The following LAMA2 variants were observed in gnomAD, a reference collection of about 807,000 sequenced individuals.
LAMA2 encodes laminin subunit alpha 2, also known as laminin subunit alpha-2.
LAMA2 carries 269 observed loss-of-function variants against 364.8 expected under a neutral mutation model. The observed-to-expected ratio is 0.74, with a 90% CI of 0.67 to 0.82. The LOEUF is 0.82. Ranked by LOEUF, LAMA2 falls within the 40% of genes least tolerant of loss-of-function variation. The pLI, the probability that LAMA2 is intolerant of heterozygous loss-of-function variation, is 0.00. For synonymous variants in LAMA2, 1,379 were observed against 1,370.6 expected, an observed-to-expected ratio of 1.01 and a Z score of -0.14; for missense variants, 3,807 against 3,873.2, an observed-to-expected ratio of 0.98 and a Z score of 0.45.
chr6:129,041,840 CA>C lies in LAMA2; in HGVS notation c.113-8070del, dbSNP rs540973100. Among the ~76,000 whole-genome samples the C allele has an allele frequency of 1.1e-4, 16 of 151,312 alleles. 1 individual carries two copies. In the South Asian group the frequency reaches 2.9e-3, roughly 28 times the overall value. Reference sequence around the variant, plus strand: ...CAACATAGTGAGACCATGTCTCTACCAAAAAAAAGTAAGGCCAGCACGGTGC... The same window carrying C: ...CAACATAGTGAGACCATGTCTCTACCAAAAAAAGTAAGGCCAGCACGGTGC... On this transcript the variant is annotated intron_variant, in intron 1 of 64. Transcript: ENST00000421865.
intron 1 of LAMA2, among the ~76,000 whole-genome samples, chr6:128,984,283 T>C (rs1211295426): frequency 6.6e-6 from 1 of 152,166 alleles, no homozygotes; most frequent in Non-Finnish European, 1.5e-5. Context: ...TCATGTGATA[T>C]TTTCCTGCTT....
At chr6:129,430,866 A>C (rs561224040) in intron 41 of LAMA2, among the ~76,000 whole-genome samples, 4 of 152,248 alleles carry the variant, frequency 2.6e-5, no homozygotes, top group Admixed American at 6.5e-5. Context: ...TTAATTAATA[A>C]TAAAAATTTA....
intron 40 of LAMA2, among the ~76,000 whole-genome samples, chr6:129,416,866 T>C (rs952803051): frequency 3.3e-5 from 5 of 152,184 alleles, no homozygotes; most frequent in Non-Finnish European, 5.9e-5. Context: ...GCGTGCCAGC[T>C]GCAGTGGGCT....
chr6:129,172,657 C>T (rs1780269349), intron 9 of LAMA2, among the ~76,000 whole-genome samples: 1 of 152,212 alleles, frequency 6.6e-6, no homozygotes, highest in Admixed American at 6.5e-5. Context: ...AGAGGTGGAG[C>T]CTACAGAGGC....
Position 129,267,086 on chromosome 6 carries a change from A to C in LAMA2, c.2209-20A>C. ...TTGTTTTAATCTCCAAGACTGACTA[A>C]AGCCTTATCTTTCTCTCAGTCTTGT... On this transcript the variant is annotated intron_variant, in intron 15 of 64. Transcript: ENST00000421865. The C allele has an allele frequency of 6.8e-7, 1 of 1,478,304 alleles. No individual in the cohort carries two copies. The allele number at this position is 1,478,304 out of a possible 1,614,324, so 91.6% of individuals were successfully genotyped here. A position where few individuals can be genotyped will look rare whatever the true frequency, so the allele number is the denominator to read the frequency against.
intron 58 of LAMA2, among the ~76,000 whole-genome samples, chr6:129,498,660 T>C (rs887528934): frequency 6.6e-6 from 1 of 152,194 alleles, no homozygotes; most frequent in Non-Finnish European, 1.5e-5. Flanking sequence ...TTAGCCCACA[T>C]TTATTAGAGA....
chr6:129,274,184 C>T (rs950170529), intron 17 of LAMA2, among the ~76,000 whole-genome samples: 2 of 151,270 alleles, frequency 1.3e-5, no homozygotes, highest in African/African-American at 4.9e-5. Context: ...AGAAAATTAT[C>T]ATGGTTTAGT....
In LAMA2 at chr6:129,148,575, C is replaced by CT. The variant is rs559083777; in HGVS notation, c.910-403dup. Among the ~76,000 whole-genome samples the CT allele has an allele frequency of 6.1e-3, 922 of 152,150 alleles. 3 individuals carry two copies. The highest frequency in any genetic ancestry group is 0.017 in the South Asian group (80 of 4,814). ...TTAGATTTCTGGTTTACCTGCACCC[C>CT]TAGAGGCCTAGGAATCAACTCCCTC... is the stretch of plus-strand genomic sequence containing the variant. On this transcript the variant is annotated intron_variant, in intron 6 of 64. Coordinates refer to ENST00000421865, the MANE Select transcript of LAMA2 (RefSeq NM_000426.4).
At chr6:129,295,152 C>A (rs963474784) in intron 20 of LAMA2, among the ~76,000 whole-genome samples, 16 of 152,176 alleles carry the variant, frequency 1.1e-4, no homozygotes, top group Admixed American at 3.3e-4. Flanking sequence ...TGACCTTAGG[C>A]AACTTACTTA....
At chr6:129,296,034 TG>T (rs1212565624) in intron 20 of LAMA2, among the ~76,000 whole-genome samples, 1 of 151,962 alleles carries the variant, frequency 6.6e-6, no homozygotes, top group Non-Finnish European at 1.5e-5. Context: ...TTCATATTTT[TG>T]TTTAATTTCT....
intron 1 of LAMA2, among the ~76,000 whole-genome samples, chr6:128,990,916 A>T (rs1451874566): frequency 2.0e-5 from 3 of 152,172 alleles, no homozygotes; most frequent in Non-Finnish European, 4.4e-5. Flanking sequence ...TTTAAAAGTT[A>T]AAAGAACCGC....
chr6:129,405,113 G>A (rs111491968), intron 40 of LAMA2, among the ~76,000 whole-genome samples: 1 of 151,944 alleles, frequency 6.6e-6, no homozygotes, highest in African/African-American at 2.4e-5. Context: ...TCCATCTTCT[G>A]TTAGATAATT....
chr6:129,090,446 T>C (rs958289156), intron 3 of LAMA2, among the ~76,000 whole-genome samples: 2 of 152,208 alleles, frequency 1.3e-5, no homozygotes, highest in African/African-American at 2.4e-5. Flanking sequence ...AGTATTCAAA[T>C]TCATCACACC....
Position 129,312,981 on chromosome 6 carries a change from A to C in LAMA2, c.3295A>C (p.Asn1099His). The part of the protein sequence containing the change: ...KCTECSRGHW[N>H]YPRCNLCDCF... ...TACAGAGTGCAGTCGAGGTCACTGG[A>C]ACTACCCTCGCTGCAATCTCTGTGA... is the stretch of plus-strand genomic sequence containing the variant. The change falls in exon 23 of 65, where the codon AAC (asparagine) becomes CAC (histidine). Residue 1099 changes from asparagine to histidine, a missense_variant. Physicochemically the swap from Asn to His is moderately conservative, Grantham distance 68. Around this residue, in one of 3 missense-constraint regions of LAMA2, gnomAD observed 3,333 missense variants for 3,345.7 expected, o/e 1.00. Coordinates refer to ENST00000421865, the MANE Select transcript of LAMA2 (RefSeq NM_000426.4). 1 of 1,614,116 alleles carries C rather than the reference A, an allele frequency of 6.2e-7. No homozygotes were observed. The highest frequency in any genetic ancestry group is 2.2e-5 in the East Asian group (1 of 44,884).
chr6:129,487,962 T>G (rs9492330), intron 56 of LAMA2, among the ~76,000 whole-genome samples: 3,130 of 152,294 alleles, frequency 0.021, 108 homozygotes, highest in African/African-American at 0.071. Flanking sequence ...AGATTAGATG[T>G]TAGGCCCTTT....
At chr6:129,385,358 G>A (rs915034811) in intron 35 of LAMA2, among the ~76,000 whole-genome samples, 5 of 150,656 alleles carry the variant, frequency 3.3e-5, no homozygotes, top group South Asian at 2.1e-4. Flanking sequence ...AGGGAGGGAC[G>A]GAAGGAAGGA....
chr6:129,071,245 T>C (rs968624504), intron 3 of LAMA2, among the ~76,000 whole-genome samples: 1 of 152,238 alleles, frequency 6.6e-6, no homozygotes, highest in Non-Finnish European at 1.5e-5. Flanking sequence ...TAATTTACAA[T>C]GATCTGTAGT....
At chr6:129,352,531 C>T (rs1387021319) in intron 31 of LAMA2, among the ~76,000 whole-genome samples, 1 of 152,164 alleles carries the variant, frequency 6.6e-6, no homozygotes, top group Non-Finnish European at 1.5e-5. Flanking sequence ...CTTAACTTGC[C>T]TCTTTTGCCT....
chr6:129,119,787 A>G (rs1392489315), intron 4 of LAMA2, among the ~76,000 whole-genome samples: 1 of 152,154 alleles, frequency 6.6e-6, no homozygotes, highest in Non-Finnish European at 1.5e-5. Context: ...TGACCTCGTG[A>G]TCTGCCCACC....
Sources: allele counts gnomAD v4.1 joint callset (sites outside exome capture counted in the v4.1 genomes callset), GRCh38; gene constraint gnomAD v4.1.1; regional missense constraint gnomAD v4.1.1; transcripts MANE v1.5; gene names NCBI Gene and HGNC (gene_info 2026-07-23, HGNC 2026-07-21).